Variants in MAPT observed in about 807,000 individuals in gnomAD.
MAPT encodes microtubule-associated protein tau.
A neutral mutation model predicts 67.9 loss-of-function variants in MAPT; 34 were observed. The observed-to-expected ratio is 0.50, with a 90% CI of 0.38 to 0.67. The LOEUF (loss-of-function observed/expected upper bound fraction) is 0.67, where lower values mean the gene tolerates loss of function less well. Among genes scored for constraint, MAPT ranks in the 30% least tolerant of loss-of-function variants. The probability of loss-of-function intolerance (pLI) is 0.00; values close to 1 mark genes in which losing one functional copy is unlikely to be tolerated. For synonymous variants in MAPT, 456 were observed against 464.5 expected, an observed-to-expected ratio of 0.98 and a Z score of 0.23; for missense variants, 881 against 1,115.2, an observed-to-expected ratio of 0.79 and a Z score of 2.99.
In MAPT at chr17:45,996,223, G is replaced by C. The variant is rs1342080801; in HGVS notation, c.1733-176G>C. Among the ~76,000 whole-genome samples the C allele has an allele frequency of 6.6e-6, 1 of 152,152 alleles. No individual in the cohort carries two copies. Among genetic ancestry groups the C allele is most frequent in the Non-Finnish European group, 1.5e-5 (1 of 68,026 alleles). Reference sequence around the variant, plus strand: ...CTCTGTCCCTAAGCAAAAAGGCAGGGAGGAAGAGATGCTTCCCCAGGGCAG... The same window carrying C: ...CTCTGTCCCTAAGCAAAAAGGCAGGCAGGAAGAGATGCTTCCCCAGGGCAG... On this transcript the variant is annotated intron_variant, in intron 8 of 12. Transcript: ENST00000262410. This position sits in a 1 kb window ranked among gnomAD's most constrained non-coding sequence, Gnocchi z 4.5.
In MAPT at chr17:45,915,294, CTG is replaced by C. The variant is rs2065108250; in HGVS notation, c.-18+20613_-18+20614del. On this transcript the variant is annotated intron_variant, in intron 1 of 12. Coordinates refer to ENST00000262410, the MANE Select transcript of MAPT (RefSeq NM_001377265.1). This position sits in a 1 kb window ranked among gnomAD's most constrained non-coding sequence, Gnocchi z 4.4. ...TATGTGTGTGGTGTGGGGGTGTGTG[CTG>C]TGTGAGCGTGTGTGAGTCTGTGTGT... 1.4e-5 allele frequency among the ~76,000 whole-genome samples: 2 copies of C among 147,168 alleles called. No homozygotes were observed. The highest frequency in any genetic ancestry group is 5.0e-5 in the African/African-American group (2 of 39,734).
chr17:46,022,248 G>A (rs990748639), intron 12 of MAPT, among the ~76,000 whole-genome samples: 1 of 151,796 alleles, frequency 6.6e-6, no homozygotes, highest in African/African-American at 2.4e-5. Context: ...CCAGCTACTT[G>A]GGAGGCCGAG....
intron 1 of MAPT, chr17:45,895,088 TGTGG>T (rs1218770699): frequency 1.3e-5 from 2 of 149,870 alleles, no homozygotes; most frequent in Admixed American, 6.7e-5. Flanking sequence ...TGTGTGTGTG[TGTGG>T]AGGGGTCCGA....
At chr17:45,985,652 A>G (rs983008598) in intron 5 of MAPT, 21 of 985,318 alleles carry the variant, frequency 2.1e-5, no homozygotes, top group Non-Finnish European at 2.5e-5. Flanking sequence ...ACCTGCTAAC[A>G]TTTCCTGGAG....
chr17:45,943,236 G>A (rs1244579134), intron 1 of MAPT, among the ~76,000 whole-genome samples: 1 of 152,118 alleles, frequency 6.6e-6, no homozygotes, highest in Non-Finnish European at 1.5e-5. Flanking sequence ...TGTACTTTTA[G>A]TAAAGATGTT....
At chr17:45,933,694 G>C (rs1441721612) in intron 1 of MAPT, among the ~76,000 whole-genome samples, 1 of 152,122 alleles carries the variant, frequency 6.6e-6, no homozygotes, top group Non-Finnish European at 1.5e-5. Context: ...GGGAAACTGA[G>C]GCCCAGTGCC....
At chr17:46,017,183 T>C (rs1467648377) in intron 11 of MAPT, among the ~76,000 whole-genome samples, 3 of 152,236 alleles carry the variant, frequency 2.0e-5, no homozygotes, top group African/African-American at 4.8e-5. Flanking sequence ...GCTGCTTTTG[T>C]CATCTTTCCC....
chr17:46,008,020 T>G (rs904141340), intron 9 of MAPT, among the ~76,000 whole-genome samples: 3 of 152,236 alleles, frequency 2.0e-5, no homozygotes, highest in African/African-American at 4.8e-5. Flanking sequence ...CAAAATGGAA[T>G]GGGACATAGT....
chr17:45,948,437 T>A (rs1222591718), intron 1 of MAPT, among the ~76,000 whole-genome samples: 3 of 152,190 alleles, frequency 2.0e-5, no homozygotes, highest in African/African-American at 4.8e-5. Context: ...TCTTTATACC[T>A]TAAAGCAAAA....
chr17:45,907,468 A>G lies in MAPT; in HGVS notation c.-18+12782A>G, dbSNP rs374190895. On this transcript the variant is annotated intron_variant, in intron 1 of 12. Coordinates refer to ENST00000262410, the MANE Select transcript of MAPT (RefSeq NM_001377265.1). ...ACAGGTTGCACGTCCTGTGAGGGCA[A>G]GGACTGTGTCTTATGTGACTTTCCT... Among the ~76,000 whole-genome samples the G allele has an allele frequency of 2.6e-5, 4 of 152,288 alleles. No homozygotes were observed. The East Asian group carries it at 7.7e-4, about 29-fold the overall frequency.
chr17:46,018,276 T>C (rs890063893), intron 11 of MAPT, among the ~76,000 whole-genome samples: 2 of 152,236 alleles, frequency 1.3e-5, no homozygotes, highest in African/African-American at 2.4e-5. Context: ...GTGTAAATAT[T>C]TGATGCACAC....
At position 45,985,031 on chromosome 17, in the gene MAPT, C is replaced by T. The variant is rs138351889; in HGVS notation, c.1351+1101C>T. 1.2e-3 allele frequency among the ~76,000 whole-genome samples: 185 copies of T among 152,266 alleles called. 1 individual carries two copies. The highest frequency in any genetic ancestry group is 2.3e-3 in the Non-Finnish European group (157 of 68,022). ...TAAAAGTTAAGACAGAGGCTGGGGG[C>T]GATGGCTCACGCCTGTAATCTCAGC... is the stretch of plus-strand genomic sequence containing the variant. On this transcript the variant is annotated intron_variant, in intron 5 of 12. Transcript: ENST00000262410.
intron 1 of MAPT, among the ~76,000 whole-genome samples, chr17:45,942,368 C>T (rs1230977672): frequency 6.6e-6 from 1 of 152,236 alleles, no homozygotes; most frequent in Admixed American, 6.5e-5. Flanking sequence ...GGTTTTGGCT[C>T]TGTCCCCAGG....
chr17:45,994,704 A>C (rs965071476), intron 8 of MAPT, among the ~76,000 whole-genome samples: 11 of 151,906 alleles, frequency 7.2e-5, no homozygotes, highest in Non-Finnish European at 1.2e-4. Flanking sequence ...AAATTCTAAA[A>C]ACTGGTGCTG....
chr17:45,961,863 C>G (rs945224542), intron 1 of MAPT, among the ~76,000 whole-genome samples: 1 of 151,886 alleles, frequency 6.6e-6, no homozygotes, highest in African/African-American at 2.4e-5. Flanking sequence ...GCAACCTCCA[C>G]CTGCCAGGTT....
chr17:45,945,948 G>A (rs995787077), intron 1 of MAPT, among the ~76,000 whole-genome samples: 4 of 152,148 alleles, frequency 2.6e-5, no homozygotes, highest in Non-Finnish European at 5.9e-5. Context: ...GGGTCTGCAA[G>A]GTTGTGCCCT....
intron 2 of MAPT, among the ~76,000 whole-genome samples, chr17:45,968,457 A>G (rs147285823): frequency 2.6e-5 from 4 of 152,296 alleles, no homozygotes; most frequent in East Asian, 1.9e-4. Context: ...TCTGTCCTCT[A>G]TCATATCAGG....
chr17:46,012,932 A>G (rs888713573), intron 10 of MAPT, among the ~76,000 whole-genome samples: 20 of 151,812 alleles, frequency 1.3e-4, no homozygotes, highest in Non-Finnish European at 2.9e-4. Flanking sequence ...CTGTCCCCCA[A>G]CGTCCTTGCC....
chr17:45,956,587 TATATA>T (rs1568230968), intron 1 of MAPT, among the ~76,000 whole-genome samples: 6 of 7,712 alleles, frequency 7.8e-4, no homozygotes, highest in African/African-American at 1.2e-3. Context: ...TATATATATA[TATATA>T]TATATATATT....
Sources: allele counts gnomAD v4.1 joint callset (sites outside exome capture counted in the v4.1 genomes callset), GRCh38; gene constraint gnomAD v4.1.1; non-coding constraint Gnocchi (gnomAD v3.1); transcripts MANE v1.5; gene names NCBI Gene and HGNC (gene_info 2026-07-23, HGNC 2026-07-21).